FER1L6: variants seen among roughly 807,000 people sequenced by gnomAD.
FER1L6 encodes fer-1-like protein 6.
In FER1L6, 177 loss-of-function variants were observed where a neutral mutation model predicts 219.2. The ratio of observed to expected loss-of-function variants is 0.81; its 90% confidence interval spans 0.71 to 0.91. The LOEUF (loss-of-function observed/expected upper bound fraction) is 0.91. Among genes scored for constraint, FER1L6 ranks in the 40% least tolerant of loss-of-function variants. The pLI is 0.00. For missense variants in FER1L6, 2,153 were observed against 2,259.9 expected (o/e 0.95, Z 0.96); for synonymous variants, 768 against 824.3 (o/e 0.93, Z 1.17).
intron 14 of FER1L6, among the ~76,000 whole-genome samples, chr8:124,012,480 G>A (rs999009278): frequency 1.1e-4 from 16 of 152,232 alleles, no homozygotes; most frequent in African/African-American, 3.9e-4. Context: ...TCCCTGCCAT[G>A]CTTGGCATAT....
chr8:124,023,364 G>T lies in FER1L6; in HGVS notation c.2134-80G>T, dbSNP rs1818547300. 11 of 1,385,490 alleles carry T rather than the reference G, an allele frequency of 7.9e-6. No individual in the cohort carries two copies. The South Asian group carries it at 1.4e-4, about 18-fold the overall frequency. The allele number at this position is 1,385,490 out of a possible 1,614,324, so 85.8% of individuals were successfully genotyped here. A position where few individuals can be genotyped will look rare whatever the true frequency, so the allele number is the denominator to read the frequency against. ...GAAGAGGGAATATTTCAGGATAGCA[G>T]AACTCTGCAAGTGCCTTTGTTCAAT... On this transcript the variant is annotated intron_variant, in intron 17 of 40. Transcript: ENST00000522917.
At position 124,061,844 on chromosome 8, in the gene FER1L6, C is replaced by T. The variant is rs376357745; in HGVS notation, c.3148-8C>T. On this transcript the variant is annotated splice_region_variant and splice_polypyrimidine_tract_variant and intron_variant, in intron 24 of 40. Coordinates refer to ENST00000522917, the MANE Select transcript of FER1L6 (RefSeq NM_001039112.2). ...AGGCCCCTTCTTCATCTCATCCTCT[C>T]TCTGCAGGAACTGCCTGAGAACGAG... 9.3e-6 allele frequency: 15 copies of T among 1,612,840 alleles called. No individual in the cohort carries two copies. The highest frequency in any genetic ancestry group is 1.3e-5 in the Non-Finnish European group (15 of 1,179,890).
chr8:123,885,030 G>T (rs1021896387), intron 1 of FER1L6, among the ~76,000 whole-genome samples: 2 of 152,226 alleles, frequency 1.3e-5, no homozygotes, highest in African/African-American at 4.8e-5. Context: ...AGAAGGCCAT[G>T]TGCAGATGGA....
At chr8:123,943,625 G>C (rs1814352690) in intron 1 of FER1L6, among the ~76,000 whole-genome samples, 1 of 152,164 alleles carries the variant, frequency 6.6e-6, no homozygotes, top group Admixed American at 6.5e-5. Flanking sequence ...CTGGGGTCCA[G>C]GAAGCTGGTG....
At chr8:123,975,027 A>G (rs1343869772) in intron 7 of FER1L6, 123 bp from the exon 8 acceptor site, 11 of 839,640 alleles carry the variant, frequency 1.3e-5, no homozygotes, top group Non-Finnish European at 1.7e-5. Context: ...AAAAACTGAG[A>G]TGATTTACCA....
chr8:124,066,857 A>G (rs1820851792), intron 27 of FER1L6, among the ~76,000 whole-genome samples: 1 of 152,134 alleles, frequency 6.6e-6, no homozygotes, highest in Non-Finnish European at 1.5e-5. Context: ...GGGGTCCAGC[A>G]GGGAGAAATG....
intron 1 of FER1L6, among the ~76,000 whole-genome samples, chr8:123,881,452 TATG>T (rs1262494486): frequency 2.0e-5 from 3 of 152,220 alleles, no homozygotes; most frequent in Non-Finnish European, 4.4e-5. Context: ...TACTGACTTA[TATG>T]ATATTTAGTC....
At chr8:123,973,084 G>A (rs1334064362) in intron 6 of FER1L6, among the ~76,000 whole-genome samples, 2 of 152,164 alleles carry the variant, frequency 1.3e-5, no homozygotes, top group Non-Finnish European at 2.9e-5. Flanking sequence ...AACACTTTCA[G>A]TTTGGGGGGA....
intron 39 of FER1L6, among the ~76,000 whole-genome samples, chr8:124,115,022 A>G (rs1823185512): frequency 6.6e-6 from 1 of 150,486 alleles, no homozygotes; most frequent in East Asian, 2.0e-4. Flanking sequence ...GTGTGTTTTA[A>G]TAAGGAATAA....
chr8:124,003,306 C>T lies in FER1L6; in HGVS notation c.1659C>T (p.Ser553=), dbSNP rs779169055. Residue 553 remains serine, a synonymous_variant, in exon 13 of 41, where the codon TCC becomes TCT. Transcript: ENST00000522917. The part of the protein sequence containing the change: ...VAHDVPIPMA[S]TTHPEKPLVT... Reference sequence around the variant, plus strand: ...ATGATGTTCCCATTCCTATGGCCTCCACCACTCACCCGGAGAAGCCACTGG... The same window carrying T: ...ATGATGTTCCCATTCCTATGGCCTCTACCACTCACCCGGAGAAGCCACTGG... The T allele has an allele frequency of 3.1e-5, 50 of 1,613,600 alleles. No homozygotes were observed. The South Asian group carries it at 5.2e-4, about 17-fold the overall frequency.
chr8:123,929,339 A>G (rs1813683393), intron 1 of FER1L6, among the ~76,000 whole-genome samples: 2 of 152,338 alleles, frequency 1.3e-5, no homozygotes, highest in South Asian at 4.1e-4. Flanking sequence ...AACAGCCTTT[A>G]TAACTGTTTG....
intron 22 of FER1L6, among the ~76,000 whole-genome samples, chr8:124,053,978 GC>G (rs2130796780): frequency 6.6e-6 from 1 of 152,204 alleles, no homozygotes; most frequent in East Asian, 1.9e-4. Flanking sequence ...CTGACTCATA[GC>G]CCCGTTGTTC....
rs1563789040 is a variant in FER1L6 at position 124,082,114 on chromosome 8, T to TAACAGAGTTGAAAAC, written c.4221-174_4221-173insAACAGAGTTGAAAAC. The stretch of plus-strand genomic sequence containing the variant: ...TTGAAATTGATAACAGAGTTGAAAA[T>TAACAGAGTTGAAAAC]TGTTTGTACTGCAATGAAAAATTAA... On this transcript the variant is annotated intron_variant, in intron 32 of 40. Transcript: ENST00000522917. Among the ~76,000 whole-genome samples the TAACAGAGTTGAAAAC allele has an allele frequency of 2.4e-4, 37 of 151,964 alleles. 1 individual carries two copies. In the East Asian group the frequency reaches 6.2e-3, roughly 25 times the overall value.
intron 1 of FER1L6, among the ~76,000 whole-genome samples, chr8:123,893,789 A>C (rs1166859272): frequency 6.6e-6 from 1 of 152,210 alleles, no homozygotes; most frequent in Admixed American, 6.5e-5. Context: ...AATCAAGCCA[A>C]GTATGTGGGA....
intron 12 of FER1L6, among the ~76,000 whole-genome samples, chr8:124,000,582 C>T (rs1203914453): frequency 2.0e-5 from 3 of 152,168 alleles, no homozygotes; most frequent in African/African-American, 4.8e-5. Context: ...CTCTGAGTCT[C>T]GGTTTCTTCA....
At chr8:124,021,951 G>A (rs896984965) in intron 17 of FER1L6, among the ~76,000 whole-genome samples, 4 of 152,164 alleles carry the variant, frequency 2.6e-5, no homozygotes, top group African/African-American at 9.7e-5. Context: ...ACTTTGATAG[G>A]TTTTCAACTA....
intron 1 of FER1L6, among the ~76,000 whole-genome samples, chr8:123,882,982 G>A (rs1322075204): frequency 6.6e-6 from 1 of 152,170 alleles, no homozygotes; most frequent in East Asian, 1.9e-4. Flanking sequence ...ATGTGTGGGG[G>A]TTGGGGGTGT....
At chr8:124,036,100 A>C (rs1045500342) in intron 19 of FER1L6, 24 of 152,196 alleles carry the variant, frequency 1.6e-4, no homozygotes, top group African/African-American at 5.8e-4. Flanking sequence ...CATTTATGTT[A>C]TCTCTTGCTG....
At chr8:124,002,555 G>T (rs571839496) in intron 12 of FER1L6, among the ~76,000 whole-genome samples, 1 of 152,258 alleles carries the variant, frequency 6.6e-6, no homozygotes, top group African/African-American at 2.4e-5. Flanking sequence ...AAAATGGAAA[G>T]ATCAATGACA....
Sources: allele counts gnomAD v4.1 joint callset (sites outside exome capture counted in the v4.1 genomes callset), GRCh38; gene constraint gnomAD v4.1.1; transcripts MANE v1.5; gene names NCBI Gene and HGNC (gene_info 2026-07-23, HGNC 2026-07-21).